Variants in HPSE2 observed in about 807,000 individuals in gnomAD.
HPSE2 encodes inactive heparanase-2.
A neutral mutation model predicts 60.5 loss-of-function variants in HPSE2; 38 were observed. That is an observed-to-expected ratio of 0.63 (90% CI 0.48 to 0.82). The LOEUF (loss-of-function observed/expected upper bound fraction) is 0.82. HPSE2 is among the 40% of genes least tolerant of loss of function. The pLI, the probability that HPSE2 is intolerant of heterozygous loss-of-function variation, is 0.00. For synonymous variants in HPSE2, 295 were observed against 293.2 expected (o/e 1.01, Z -0.06); for missense variants, 713 against 740.4 (o/e 0.96, Z 0.43).
At chr10:98,627,489 A>G (rs1052121298) in intron 7 of HPSE2, among the ~76,000 whole-genome samples, 2 of 152,128 alleles carry the variant, frequency 1.3e-5, no homozygotes, top group Non-Finnish European at 2.9e-5. Flanking sequence ...ACTTGCAGGG[A>G]GATTTGAAAG....
intron 3 of HPSE2, among the ~76,000 whole-genome samples, chr10:98,889,171 T>C (rs183785009): frequency 1.5e-3 from 219 of 150,744 alleles, no homozygotes; most frequent in Admixed American, 2.2e-3. Flanking sequence ...TTGAATCTTA[T>C]AGACTAGATT....
the HPSE2 span, among the ~76,000 whole-genome samples, chr10:99,257,504 G>A: frequency 7.2e-5 from 11 of 152,182 alleles, no homozygotes; most frequent in African/African-American, 1.9e-4. Context: ...CCCAGTCTCC[G>A]GTAGCACTCC....
At chr10:99,277,556 C>G in the HPSE2 span, among the ~76,000 whole-genome samples, 4 of 152,160 alleles carry the variant, frequency 2.6e-5, no homozygotes, top group African/African-American at 9.7e-5. Flanking sequence ...GCTCCATGAG[C>G]CCTTCTACCC....
intron 9 of HPSE2, among the ~76,000 whole-genome samples, chr10:98,530,945 T>A (rs779912066): frequency 2.0e-5 from 3 of 152,148 alleles, no homozygotes; most frequent in African/African-American, 7.2e-5. Context: ...AGTCAGTCAT[T>A]TCTGCCCTTG....
At chr10:99,285,363 T>C in the HPSE2 span, among the ~76,000 whole-genome samples, 9 of 150,452 alleles carry the variant, frequency 6.0e-5, no homozygotes, top group Non-Finnish European at 1.2e-4. Flanking sequence ...GCCTGGAAGA[T>C]TGATGCTGCA....
intron 3 of HPSE2, among the ~76,000 whole-genome samples, chr10:99,042,860 A>C (rs1408055631): frequency 6.6e-6 from 1 of 152,202 alleles, no homozygotes; most frequent in Non-Finnish European, 1.5e-5. Context: ...CAAATGTCAG[A>C]AACTATAAAA....
At chr10:98,942,138 C>T (rs9732370) in intron 3 of HPSE2, among the ~76,000 whole-genome samples, 66,818 of 127,472 alleles carry the variant, frequency 0.52, 20,889 homozygotes, top group Non-Finnish European at 0.64. Flanking sequence ...TAGAAGAAAA[C>T]CTAGGCATTA....
At chr10:99,275,873 T>A in the HPSE2 span, among the ~76,000 whole-genome samples, 46 of 152,162 alleles carry the variant, frequency 3.0e-4, no homozygotes, top group African/African-American at 1.1e-3. Context: ...CTATTGGGAA[T>A]GAAGGGAAGA....
rs1009815050 is a variant in HPSE2, at chr10:99,224,735, A to G, written c.448+7613T>C. On this transcript the variant is annotated intron_variant, in intron 2 of 11. Transcript: ENST00000370552. ...AATTTAAATGAATTTGGCAGATGAA[A>G]TAATAATTTGGTATTGGCAACAGTA... Among the ~76,000 whole-genome samples the G allele has an allele frequency of 3.9e-5, 6 of 152,152 alleles. No homozygotes were observed. The South Asian group carries it at 1.2e-3, about 31-fold the overall frequency.
chr10:98,633,540 C>T (rs1374323495), intron 7 of HPSE2, among the ~76,000 whole-genome samples: 1 of 152,096 alleles, frequency 6.6e-6, no homozygotes, highest in African/African-American at 2.4e-5. Flanking sequence ...CATTTTCTTT[C>T]TTCTAGCTTA....
intron 2 of HPSE2, among the ~76,000 whole-genome samples, chr10:99,231,583 CAA>C (rs764449815): frequency 6.6e-6 from 1 of 151,730 alleles, no homozygotes; most frequent in Non-Finnish European, 1.5e-5. Context: ...CCGTTCAAAC[CAA>C]AAAAGATTGG....
chr10:98,557,136 C>T (rs1169065806), intron 9 of HPSE2, among the ~76,000 whole-genome samples: 1 of 151,960 alleles, frequency 6.6e-6, no homozygotes, highest in Non-Finnish European at 1.5e-5. Flanking sequence ...TGGCATGAAC[C>T]CGGGAGGTGG....
intron 7 of HPSE2, among the ~76,000 whole-genome samples, chr10:98,632,056 AAAAT>A (rs1946378491): frequency 6.6e-6 from 1 of 152,184 alleles, no homozygotes; most frequent in Non-Finnish European, 1.5e-5. Flanking sequence ...CATGGGTTAT[AAAAT>A]AAATAGTTGA....
chr10:98,770,123 T>C (rs1950209081), intron 3 of HPSE2, among the ~76,000 whole-genome samples: 1 of 152,170 alleles, frequency 6.6e-6, no homozygotes, highest in African/African-American at 2.4e-5. Context: ...AGTTCTCCGC[T>C]TTTAATTTTG....
intron 4 of HPSE2, among the ~76,000 whole-genome samples, chr10:98,735,495 T>C: frequency 6.6e-6 from 1 of 151,758 alleles, no homozygotes; most frequent in Non-Finnish European, 1.5e-5. Flanking sequence ...ACTGGGGCAC[T>C]GCCTAGTAGA....
At chr10:98,819,795 G>T (rs538868386) in intron 3 of HPSE2, among the ~76,000 whole-genome samples, 13 of 152,188 alleles carry the variant, frequency 8.5e-5, no homozygotes, top group Non-Finnish European at 1.8e-4. Context: ...TGAAACTTCT[G>T]CAGAAATTAA....
chr10:98,827,832 A>G (rs1951588128), intron 3 of HPSE2, among the ~76,000 whole-genome samples: 1 of 152,204 alleles, frequency 6.6e-6, no homozygotes, highest in African/African-American at 2.4e-5. Context: ...CAATACCTAG[A>G]TATTGGGTCA....
chr10:98,960,829 G>A (rs558357714), intron 3 of HPSE2, among the ~76,000 whole-genome samples: 15 of 143,452 alleles, frequency 1.0e-4, no homozygotes, highest in African/African-American at 3.1e-4. Context: ...ATGCTGGTGC[G>A]CTGCACCCAC....
Position 98,624,380 on chromosome 10 carries a change from A to G in HPSE2, c.1099-3672T>C, listed in dbSNP as rs1335935494. ...TAATGGATCTAGAAGAACCGCACAG[A>G]AAAAGGACCTCAGGTGGAAATAGGT... On this transcript the variant is annotated intron_variant, in intron 7 of 11. Transcript: ENST00000370552. 3.3e-5 allele frequency among the ~76,000 whole-genome samples: 5 copies of G among 152,180 alleles called. 1 individual carries two copies. The highest frequency in any genetic ancestry group is 1.2e-4 in the African/African-American group (5 of 41,448).
Sources: allele counts gnomAD v4.1 joint callset (sites outside exome capture counted in the v4.1 genomes callset), GRCh38; gene constraint gnomAD v4.1.1; transcripts MANE v1.5; gene names NCBI Gene and HGNC (gene_info 2026-07-23, HGNC 2026-07-21).